ADGRL3: variants seen among roughly 807,000 people sequenced by gnomAD.
The protein encoded by ADGRL3 is calcium-independent alpha-latrotoxin receptor 3.
In ADGRL3, 62 loss-of-function variants were observed where a neutral mutation model predicts 153.5. The observed-to-expected ratio is 0.40, with a 90% CI of 0.33 to 0.50. The LOEUF is 0.50. ADGRL3 is among the 20% of genes least tolerant of loss of function. The pLI is 0.47. For missense variants in ADGRL3, 1,641 were observed against 1,859.4 expected, an observed-to-expected ratio of 0.88 and a Z score of 2.16; for synonymous variants, 710 against 672.5, an observed-to-expected ratio of 1.06 and a Z score of -0.86.
At chr4:61,931,813 A>G (rs2098818644) in intron 13 of ADGRL3, among the ~76,000 whole-genome samples, 1 of 152,138 alleles carries the variant, frequency 6.6e-6, no homozygotes, top group Non-Finnish European at 1.5e-5. Context: ...CTTGAAGAAT[A>G]CACTTGTTGA....
At chr4:61,869,976 A>AAG (rs1170473906) in intron 9 of ADGRL3, among the ~76,000 whole-genome samples, 4 of 99,666 alleles carry the variant, frequency 4.0e-5, no homozygotes, top group Admixed American at 1.1e-4. Context: ...GAGAGAGAGA[A>AAG]AGAGAGAGAG....
At chr4:61,842,032 C>CAAACTCTCA (rs2098040709) in intron 9 of ADGRL3, among the ~76,000 whole-genome samples, 1 of 152,132 alleles carries the variant, frequency 6.6e-6, no homozygotes, top group Admixed American at 6.5e-5. Context: ...TATGAAATGG[C>CAAACTCTCA]AAACTCTCAA....
At chr4:61,239,729 G>T (rs1194958330) in intron 1 of ADGRL3, among the ~76,000 whole-genome samples, 1 of 152,092 alleles carries the variant, frequency 6.6e-6, no homozygotes, top group Admixed American at 6.6e-5. Flanking sequence ...GTGCTTGAAT[G>T]TAATTAAATT....
At position 61,348,723 on chromosome 4, in the gene ADGRL3, A is replaced by G. The variant is rs1277506457; in HGVS notation, c.-239-34401A>G. 2.0e-5 allele frequency among the ~76,000 whole-genome samples: 3 copies of G among 152,190 alleles called. No individual in the cohort carries two copies. In the East Asian group the frequency reaches 5.8e-4, roughly 29 times the overall value. On this transcript the variant is annotated intron_variant, in intron 1 of 26. Transcript: ENST00000683033. ...ATAATGAATTTAAATACCTTAGTAAATCATGACTATACCACTTTATTAGAC... is the reference window on the plus strand; with the variant it reads ...ATAATGAATTTAAATACCTTAGTAAGTCATGACTATACCACTTTATTAGAC...
At chr4:61,757,228 C>T (rs1011326271) in intron 8 of ADGRL3, among the ~76,000 whole-genome samples, 15 of 152,232 alleles carry the variant, frequency 9.9e-5, no homozygotes, top group South Asian at 2.1e-4. Flanking sequence ...TGGTAGAATT[C>T]GGCTGTGAAT....
At chr4:61,886,599 TC>T (rs1581302512) in intron 9 of ADGRL3, among the ~76,000 whole-genome samples, 2 of 42,932 alleles carry the variant, frequency 4.7e-5, no homozygotes, top group Non-Finnish European at 1.4e-4. Context: ...GATAAACCTT[TC>T]TTCTCTTGTG....
intron 6 of ADGRL3, among the ~76,000 whole-genome samples, chr4:61,721,783 A>T (rs1243046619): frequency 6.6e-6 from 1 of 152,216 alleles, no homozygotes; most frequent in Non-Finnish European, 1.5e-5. Flanking sequence ...GCTCAGTGAC[A>T]AACACAAAGC....
intron 1 of ADGRL3, among the ~76,000 whole-genome samples, chr4:61,361,552 CA>C (rs1414996548): frequency 2.0e-5 from 3 of 152,166 alleles, no homozygotes; most frequent in Non-Finnish European, 2.9e-5. Context: ...TAGACCTCCA[CA>C]GGTACATCTT....
chr4:61,448,826 A>AGAAGGGAGGGAGGGAGGGAAGG, intron 2 of ADGRL3, among the ~76,000 whole-genome samples: 1 of 54,442 alleles, frequency 1.8e-5, no homozygotes, highest in Non-Finnish European at 3.5e-5. Context: ...GAAGGAAGGA[A>AGAAGGGAGGGAGGGAGGGAAGG]GAAGGGAGGG....
intron 13 of ADGRL3, among the ~76,000 whole-genome samples, chr4:61,930,758 G>A (rs2098814556): frequency 6.6e-6 from 1 of 151,788 alleles, no homozygotes; most frequent in Non-Finnish European, 1.5e-5. Flanking sequence ...ATTTATATTC[G>A]ATTTTTAGAA....
intron 1 of ADGRL3, among the ~76,000 whole-genome samples, chr4:61,367,608 G>C (rs1211186903): frequency 1.3e-5 from 2 of 148,856 alleles, no homozygotes; most frequent in Non-Finnish European, 3.0e-5. Flanking sequence ...TGGTGTATAT[G>C]TGCCACAATT....
At chr4:61,386,512 A>G (rs1331486938) in intron 2 of ADGRL3, among the ~76,000 whole-genome samples, 2 of 152,180 alleles carry the variant, frequency 1.3e-5, no homozygotes, top group African/African-American at 4.8e-5. Context: ...GGTTTTGTTC[A>G]GCAGGGTTTA....
At chr4:61,473,407 A>C (rs188841977) in intron 2 of ADGRL3, among the ~76,000 whole-genome samples, 210 of 152,200 alleles carry the variant, frequency 1.4e-3, no homozygotes, top group African/African-American at 4.8e-3. Flanking sequence ...GTGAAAGGAA[A>C]GCAGTTTTTC....
At chr4:61,293,505 A>G (rs1410038964) in intron 1 of ADGRL3, among the ~76,000 whole-genome samples, 1 of 152,174 alleles carries the variant, frequency 6.6e-6, no homozygotes, top group African/African-American at 2.4e-5. Flanking sequence ...AAGTAGCTGA[A>G]GTACTCAGAT....
chr4:61,767,864 A>G (rs983675925), intron 8 of ADGRL3, among the ~76,000 whole-genome samples: 1 of 152,152 alleles, frequency 6.6e-6, no homozygotes, highest in Admixed American at 6.5e-5. Flanking sequence ...AGTGGAGGCA[A>G]GGAATTGCAA....
chr4:61,996,009 T>A (rs1375998481), intron 19 of ADGRL3, among the ~76,000 whole-genome samples: 2 of 147,682 alleles, frequency 1.4e-5, no homozygotes, highest in Non-Finnish European at 3.0e-5. Context: ...TTTCTTTATC[T>A]TTTTTTTTTT....
chr4:61,689,117 C>G (rs1162339239), intron 6 of ADGRL3, among the ~76,000 whole-genome samples: 1 of 152,090 alleles, frequency 6.6e-6, no homozygotes, highest in Non-Finnish European at 1.5e-5. Context: ...TTCTTCAGCC[C>G]TTTTGGAGTT....
chr4:61,516,461 A>G (rs2098495956), intron 3 of ADGRL3, among the ~76,000 whole-genome samples: 1 of 152,130 alleles, frequency 6.6e-6, no homozygotes, highest in African/African-American at 2.4e-5. Flanking sequence ...TTATTAAACT[A>G]GTTGCAAATA....
chr4:61,495,285 T>G (rs1263227186), intron 2 of ADGRL3, among the ~76,000 whole-genome samples: 2 of 152,194 alleles, frequency 1.3e-5, no homozygotes, highest in Middle Eastern at 3.2e-3. Context: ...ACTTTGGTTT[T>G]TATTTTGACA....
Sources: gnomAD v4.1 joint callset for allele counts (sites outside exome capture counted in the v4.1 genomes callset) on GRCh38, gnomAD v4.1.1 for gene constraint, MANE v1.5 for transcripts, NCBI Gene and HGNC (gene_info 2026-07-23, HGNC 2026-07-21) for gene names.